Variants in HECW1 observed in about 807,000 individuals in gnomAD.
HECW1 encodes HECT, C2 and WW domain containing E3 ubiquitin protein ligase 1.
A neutral mutation model predicts 182.3 loss-of-function variants in HECW1; 61 were observed. The ratio of observed to expected loss-of-function variants is 0.33; its 90% confidence interval spans 0.27 to 0.41. The LOEUF (loss-of-function observed/expected upper bound fraction) is 0.41. Among genes scored for constraint, HECW1 ranks in the 10% least tolerant of loss-of-function variants. HECW1 has a pLI of 1.00. For synonymous variants in HECW1, 859 were observed against 832.6 expected (o/e 1.03, Z -0.55); for missense variants, 1,739 against 2,108.9 (o/e 0.82, Z 3.44).
intron 16 of HECW1, among the ~76,000 whole-genome samples, chr7:43,478,186 G>A (rs572014987): frequency 6.6e-6 from 1 of 152,202 alleles, no homozygotes; most frequent in Non-Finnish European, 1.5e-5. Context: ...GGAGGGCGAG[G>A]TGGGCAGATC....
intron 8 of HECW1, among the ~76,000 whole-genome samples, chr7:43,435,120 T>C (rs1286778154): frequency 6.6e-6 from 1 of 151,122 alleles, no homozygotes; most frequent in African/African-American, 2.4e-5. Context: ...CTTATTAGCA[T>C]TTAGTGTTAC....
In HECW1 at chr7:43,149,737, A is replaced by G. The variant is rs140367562; in HGVS notation, c.-32+35346A>G. On this transcript the variant is annotated intron_variant, in intron 2 of 29. Transcript: ENST00000395891. ...AAAAATTAAAAGTTAAAATAAAAATATTTACAGATATATTCTTCAAAATTT... is the reference window on the plus strand; with the variant it reads ...AAAAATTAAAAGTTAAAATAAAAATGTTTACAGATATATTCTTCAAAATTT... 9.6e-3 allele frequency among the ~76,000 whole-genome samples: 1,455 copies of G among 152,312 alleles called. 11 individuals are homozygous for G. The highest frequency in any genetic ancestry group is 0.031 in the Middle Eastern group (9 of 294).
intron 11 of HECW1, among the ~76,000 whole-genome samples, chr7:43,446,484 A>G (rs918590394): frequency 1.3e-5 from 2 of 152,172 alleles, no homozygotes; most frequent in African/African-American, 4.8e-5. Context: ...AGCCTCTGCT[A>G]TTTTGCTGTT....
At chr7:43,441,957 A>G (rs1283396432) in intron 9 of HECW1, among the ~76,000 whole-genome samples, 1 of 152,224 alleles carries the variant, frequency 6.6e-6, no homozygotes, top group South Asian at 2.1e-4. Flanking sequence ...TTTGCTTTAC[A>G]ATGAATTCAG....
chr7:43,276,818 G>A (rs1316417621), intron 3 of HECW1, among the ~76,000 whole-genome samples: 1 of 152,156 alleles, frequency 6.6e-6, no homozygotes, highest in African/African-American at 2.4e-5. Flanking sequence ...CAGCTTCTCT[G>A]TTTTCTTAGT....
At chr7:43,142,342 T>C (rs1328682466) in intron 2 of HECW1, among the ~76,000 whole-genome samples, 2 of 152,190 alleles carry the variant, frequency 1.3e-5, no homozygotes, top group African/African-American at 4.8e-5. Flanking sequence ...CGCACTCCAG[T>C]GTTCCCCTAG....
chr7:43,463,542 T>C (rs1406843391), intron 13 of HECW1, 118 bp from the exon 14 acceptor site: 1 of 928,788 alleles, frequency 1.1e-6, no homozygotes, highest in Non-Finnish European at 1.6e-6. Context: ...TTTTAAGCAT[T>C]TCTTTCCTGA....
chr7:43,514,297 TTTTC>T (rs1426898157), intron 24 of HECW1, among the ~76,000 whole-genome samples: 5 of 140,440 alleles, frequency 3.6e-5, no homozygotes, highest in African/African-American at 1.3e-4. Context: ...TTTTCTTTTC[TTTTC>T]TTTTTTTTTT....
intron 11 of HECW1, among the ~76,000 whole-genome samples, chr7:43,447,245 T>A (rs2077086640): frequency 6.6e-6 from 1 of 152,192 alleles, no homozygotes; most frequent in Admixed American, 6.5e-5. Context: ...AGTGCACAGT[T>A]TTTTGGCCCC....
chr7:43,449,321 C>T (rs1346440457), intron 11 of HECW1, among the ~76,000 whole-genome samples: 1 of 152,176 alleles, frequency 6.6e-6, no homozygotes, highest in African/African-American at 2.4e-5. Context: ...TGAGGGGAAC[C>T]TTCCTTGTTT....
In HECW1 at chr7:43,556,093, A is replaced by G. The variant is rs17172227; in HGVS notation, c.4709+1303A>G. Among the ~76,000 whole-genome samples, 1,387 of 152,322 alleles carry G rather than the reference A, an allele frequency of 9.1e-3. 14 individuals are homozygous for G. The highest frequency in any genetic ancestry group is 0.032 in the African/African-American group (1,318 of 41,556). ...CCTGATAGTAACTAATCACAGCACA[A>G]GGTAGAATCAGAGGAGCACAGGGGG... On this transcript the variant is annotated intron_variant, in intron 29 of 29. Transcript: ENST00000395891.
At chr7:43,180,488 T>A (rs1218599020) in intron 2 of HECW1, among the ~76,000 whole-genome samples, 4 of 152,116 alleles carry the variant, frequency 2.6e-5, no homozygotes, top group Non-Finnish European at 5.9e-5. Flanking sequence ...CTCCACCCAC[T>A]GGGTTCACGC....
At chr7:43,159,900 C>G (rs1270887744) in intron 2 of HECW1, among the ~76,000 whole-genome samples, 1 of 152,142 alleles carries the variant, frequency 6.6e-6, no homozygotes, top group Admixed American at 6.6e-5. Flanking sequence ...AGGATGGTCT[C>G]GATGTCCTGA....
chr7:43,532,845 T>C (rs1479515394), intron 24 of HECW1, among the ~76,000 whole-genome samples: 2 of 152,166 alleles, frequency 1.3e-5, no homozygotes, highest in Non-Finnish European at 2.9e-5. Context: ...ACTTACAGAT[T>C]CAGAGAATGA....
At chr7:43,319,319 G>A (rs1399504809) in intron 4 of HECW1, among the ~76,000 whole-genome samples, 5 of 146,248 alleles carry the variant, frequency 3.4e-5, no homozygotes, top group East Asian at 4.1e-4. Flanking sequence ...CCCGGGAAGC[G>A]GAGCTTGCAG....
chr7:43,416,762 G>A (rs1167183491), intron 8 of HECW1, among the ~76,000 whole-genome samples: 6 of 145,056 alleles, frequency 4.1e-5, no homozygotes, highest in Non-Finnish European at 9.2e-5. Flanking sequence ...TCTGAAAAGC[G>A]TAATATTCGG....
intron 17 of HECW1, among the ~76,000 whole-genome samples, chr7:43,485,120 T>C (rs1304975674): frequency 2.0e-5 from 3 of 152,096 alleles, no homozygotes; most frequent in Admixed American, 6.5e-5. Context: ...AAAAAAAGCT[T>C]GACAGTGACT....
chr7:43,552,076 A>T, intron 27 of HECW1, 146 bp from the exon 28 acceptor site: 1 of 632,528 alleles, frequency 1.6e-6, no homozygotes, highest in Admixed American at 2.6e-5. Flanking sequence ...TCATAGCAAT[A>T]ATTTTCAAGT....
intron 3 of HECW1, among the ~76,000 whole-genome samples, chr7:43,287,903 G>C (rs1426741995): frequency 6.6e-6 from 1 of 152,154 alleles, no homozygotes; most frequent in Admixed American, 6.5e-5. Context: ...TGTTCAGTCT[G>C]GTACCTGAAA....
Sources: gnomAD v4.1 joint callset for allele counts (sites outside exome capture counted in the v4.1 genomes callset) on GRCh38, gnomAD v4.1.1 for gene constraint, MANE v1.5 for transcripts, NCBI Gene and HGNC (gene_info 2026-07-23, HGNC 2026-07-21) for gene names.